The following TBC1D5 variants were observed in gnomAD, a reference collection of about 807,000 sequenced individuals.
TBC1D5 encodes the protein TBC1 domain family member 5.
Under a neutral mutation model 100.3 loss-of-function variants are expected in TBC1D5, and 75 were observed. The ratio of observed to expected loss-of-function variants is 0.75; its 90% CI spans 0.62 to 0.91. The LOEUF (loss-of-function observed/expected upper bound fraction) is 0.91, where lower values mean the gene tolerates loss of function less well. Among genes scored for constraint, TBC1D5 ranks in the 40% least tolerant of loss-of-function variants. TBC1D5 has a pLI of 0.00. For missense variants in TBC1D5, 910 were observed against 942.4 expected (o/e 0.97, Z 0.45); for synonymous variants, 323 against 325.6 (o/e 0.99, Z 0.09).
intron 17 of TBC1D5, among the ~76,000 whole-genome samples, chr3:17,221,275 CT>C (rs905327270): frequency 4.3e-4 from 63 of 147,602 alleles, no homozygotes; most frequent in African/African-American, 9.7e-4. Context: ...CCTGTGAGTT[CT>C]TTTTTTTTTA....
At chr3:17,636,263 G>A (rs1190268551) in intron 1 of TBC1D5, among the ~76,000 whole-genome samples, 1 of 152,124 alleles carries the variant, frequency 6.6e-6, no homozygotes, top group Non-Finnish European at 1.5e-5. Context: ...CCAGTAATGA[G>A]AGAAAAGTTA....
intron 2 of TBC1D5, among the ~76,000 whole-genome samples, chr3:17,566,737 T>C (rs1277551766): frequency 2.0e-5 from 3 of 151,862 alleles, no homozygotes; most frequent in Non-Finnish European, 4.4e-5. Flanking sequence ...ATAAATAAAA[T>C]TTATTCCTTT....
intron 2 of TBC1D5, among the ~76,000 whole-genome samples, chr3:17,530,555 G>A (rs1443901761): frequency 2.6e-5 from 4 of 152,062 alleles, no homozygotes; most frequent in Admixed American, 2.0e-4. Flanking sequence ...GCATATTACT[G>A]AGTTAGACAT....
intron 3 of TBC1D5, among the ~76,000 whole-genome samples, chr3:17,495,703 T>G (rs1397738121): frequency 6.6e-6 from 1 of 152,234 alleles, no homozygotes; most frequent in Non-Finnish European, 1.5e-5. Flanking sequence ...TTTCATAGGC[T>G]ATTAGTAAAT....
rs993777859 is a variant in TBC1D5, at chr3:17,326,778, CTTAGATA to C, written c.996-18651_996-18645del. On this transcript the variant is annotated intron_variant, in intron 13 of 21. Transcript: ENST00000253692. ...CATGAGCCAGGGCAGCCAGCCTATA[CTTAGATA>C]TTAAAGAGTCATCTGAAACTGAAAA... Among the ~76,000 whole-genome samples, 9 of 152,320 alleles carry C rather than the reference CTTAGATA, an allele frequency of 5.9e-5. No homozygotes were observed. The South Asian group carries it at 1.0e-3, about 18-fold the overall frequency.
chr3:17,593,132 C>T (rs2060339727), intron 2 of TBC1D5, among the ~76,000 whole-genome samples: 1 of 152,148 alleles, frequency 6.6e-6, no homozygotes. Context: ...GCCTTCTCTC[C>T]CTCAGTTTGC....
chr3:17,657,198 A>T (rs750216808), intron 1 of TBC1D5, among the ~76,000 whole-genome samples: 1 of 152,182 alleles, frequency 6.6e-6, no homozygotes, highest in Non-Finnish European at 1.5e-5. Context: ...ATCTCTATAT[A>T]CAGAGAGGTA....
At chr3:17,496,336 T>C (rs189291853) in intron 3 of TBC1D5, among the ~76,000 whole-genome samples, 2 of 152,308 alleles carry the variant, frequency 1.3e-5, no homozygotes, top group African/African-American at 4.8e-5. Context: ...ATTAAACACA[T>C]TGTTCTAATA....
intron 4 of TBC1D5, among the ~76,000 whole-genome samples, chr3:17,417,335 T>A (rs1575800223): frequency 7.8e-6 from 1 of 128,222 alleles, no homozygotes; most frequent in South Asian, 2.9e-4. Flanking sequence ...ATGCTATCCC[T>A]CCCCCCTCCC....
At chr3:17,500,521 T>C (rs1280028181) in intron 3 of TBC1D5, among the ~76,000 whole-genome samples, 1 of 149,474 alleles carries the variant, frequency 6.7e-6, no homozygotes, top group South Asian at 2.1e-4. Flanking sequence ...CTCAAATGAG[T>C]TAGTGGTTTC....
At chr3:17,669,620 A>G (rs1186195882) in intron 1 of TBC1D5, among the ~76,000 whole-genome samples, 2 of 152,190 alleles carry the variant, frequency 1.3e-5, no homozygotes, top group Non-Finnish European at 2.9e-5. Flanking sequence ...GGAATAATAA[A>G]TATCTTATAG....
At chr3:17,216,872 TTGAGATA>T (rs1227268547) in intron 17 of TBC1D5, among the ~76,000 whole-genome samples, 1 of 152,178 alleles carries the variant, frequency 6.6e-6, no homozygotes, top group Non-Finnish European at 1.5e-5. Context: ...AAACAACACT[TTGAGATA>T]TAATTCATGT....
intron 4 of TBC1D5, among the ~76,000 whole-genome samples, chr3:17,411,868 TGGG>T (rs1242663610): frequency 2.6e-5 from 4 of 152,180 alleles, no homozygotes; most frequent in African/African-American, 9.6e-5. Flanking sequence ...AATTTATTCA[TGGG>T]TACTTACAGT....
chr3:17,315,178 C>G (rs1286583372), intron 13 of TBC1D5, among the ~76,000 whole-genome samples: 1 of 152,230 alleles, frequency 6.6e-6, no homozygotes, highest in Admixed American at 6.5e-5. Context: ...ACATGTCTAA[C>G]CATTCAGCCA....
intron 3 of TBC1D5, among the ~76,000 whole-genome samples, chr3:17,502,739 G>A (rs2095800444): frequency 6.7e-6 from 1 of 149,196 alleles, no homozygotes; most frequent in Non-Finnish European, 1.5e-5. Context: ...TATCCCGTCT[G>A]TACCATACAA....
At chr3:17,458,446 G>A (rs1013355438) in intron 3 of TBC1D5, among the ~76,000 whole-genome samples, 2 of 152,094 alleles carry the variant, frequency 1.3e-5, no homozygotes, top group Non-Finnish European at 2.9e-5. Flanking sequence ...TTTACTGATG[G>A]GTTCATAAAC....
intron 18 of TBC1D5, among the ~76,000 whole-genome samples, chr3:17,207,557 G>A (rs760382788): frequency 2.6e-5 from 4 of 152,158 alleles, no homozygotes; most frequent in Non-Finnish European, 5.9e-5. Context: ...TAAAGACTAA[G>A]CTGAATCTTG....
chr3:17,547,660 A>C (rs961751784), intron 2 of TBC1D5, among the ~76,000 whole-genome samples: 1 of 152,234 alleles, frequency 6.6e-6, no homozygotes, highest in African/African-American at 2.4e-5. Context: ...TATTTAGATG[A>C]AAAATCAAAA....
intron 3 of TBC1D5, among the ~76,000 whole-genome samples, chr3:17,507,976 G>T (rs1365821682): frequency 6.6e-6 from 1 of 150,986 alleles, no homozygotes; most frequent in Non-Finnish European, 1.5e-5. Flanking sequence ...TAATTTCAGT[G>T]TATAGATCTT....
Sources: gnomAD v4.1 joint callset for allele counts (sites outside exome capture counted in the v4.1 genomes callset) on GRCh38, gnomAD v4.1.1 for gene constraint, MANE v1.5 for transcripts, NCBI Gene and HGNC (gene_info 2026-07-23, HGNC 2026-07-21) for gene names.